Variants in CTNNA3 observed in about 807,000 individuals in gnomAD.
The protein encoded by CTNNA3 is catenin alpha-3.
In CTNNA3, 76 loss-of-function variants were observed where a neutral mutation model predicts 95.7. The ratio of observed to expected loss-of-function variants is 0.79; its 90% CI spans 0.66 to 0.96. CTNNA3 has a LOEUF of 0.96. Ranked by LOEUF, CTNNA3 falls within the 40% of genes least tolerant of loss-of-function variation. The pLI is 0.00. For missense variants in CTNNA3, 1,191 were observed against 1,089.8 expected, an observed-to-expected ratio of 1.09 and a Z score of -1.31; for synonymous variants, 431 against 374.4, an observed-to-expected ratio of 1.15 and a Z score of -1.74.
intron 7 of CTNNA3, among the ~76,000 whole-genome samples, chr10:67,089,717 ATG>A (rs71006125): frequency 0.042 from 6,087 of 144,618 alleles, 179 homozygotes; most frequent in East Asian, 0.095. Flanking sequence ...GTATATACAT[ATG>A]TGTGTGTGTG....
chr10:66,564,852 T>C lies in CTNNA3; in HGVS notation c.1375-44079A>G, dbSNP rs539324651. On this transcript the variant is annotated intron_variant, in intron 10 of 17. Transcript: ENST00000433211. ...ATTAGTGGGGGAAGGGTTATTTGTATTTTATTTTTTCAAGTGAAAGAAATG... is the reference window on the plus strand; with the variant it reads ...ATTAGTGGGGGAAGGGTTATTTGTACTTTATTTTTTCAAGTGAAAGAAATG... 3.5e-4 allele frequency among the ~76,000 whole-genome samples: 53 copies of C among 152,288 alleles called. 1 individual carries two copies. The highest frequency in any genetic ancestry group is 1.1e-3 in the African/African-American group (45 of 41,572).
intron 11 of CTNNA3, among the ~76,000 whole-genome samples, chr10:66,488,402 G>T (rs1045176181): frequency 6.6e-6 from 1 of 152,056 alleles, no homozygotes; most frequent in Non-Finnish European, 1.5e-5. Context: ...ACCAGTGAGA[G>T]CCCACTTCTA....
intron 15 of CTNNA3, among the ~76,000 whole-genome samples, chr10:66,021,851 G>GTTTTTTTTTTTTTTT (rs1564583857): frequency 6.2e-4 from 26 of 41,648 alleles, no homozygotes; most frequent in East Asian, 7.1e-3. Context: ...CAGGATCTTG[G>GTTTTTTTTTTTTTTT]CTTTTTTTTT....
intron 5 of CTNNA3, among the ~76,000 whole-genome samples, chr10:67,476,196 G>A (rs1012639014): frequency 2.6e-5 from 4 of 151,962 alleles, no homozygotes; most frequent in African/African-American, 4.8e-5. Flanking sequence ...AGCCTGAGTC[G>A]TCCCCACCCA....
At chr10:66,190,771 C>A (rs2086624872) in intron 13 of CTNNA3, among the ~76,000 whole-genome samples, 1 of 152,000 alleles carries the variant, frequency 6.6e-6, no homozygotes, top group Non-Finnish European at 1.5e-5. Context: ...GTAACTGGCC[C>A]ATCATTGTCT....
chr10:66,646,471 G>A (rs1043678836), intron 9 of CTNNA3, among the ~76,000 whole-genome samples: 5 of 152,116 alleles, frequency 3.3e-5, no homozygotes, highest in Non-Finnish European at 5.9e-5. Flanking sequence ...GCAAGTGGAA[G>A]GGGTAGGGAG....
At chr10:67,147,059 C>T (rs962974511) in intron 7 of CTNNA3, among the ~76,000 whole-genome samples, 2 of 152,162 alleles carry the variant, frequency 1.3e-5, no homozygotes, top group Admixed American at 6.5e-5. Flanking sequence ...TGCCAAAGGA[C>T]ACTTTTCTCA....
intron 7 of CTNNA3, among the ~76,000 whole-genome samples, chr10:67,111,743 T>C (rs1202737891): frequency 1.3e-5 from 2 of 151,992 alleles, no homozygotes; most frequent in Non-Finnish European, 2.9e-5. Context: ...TCCAGAGTCA[T>C]GGTATCAACA....
chr10:66,721,167 A>T (rs1247180887), intron 9 of CTNNA3, among the ~76,000 whole-genome samples: 1 of 152,102 alleles, frequency 6.6e-6, no homozygotes, highest in African/African-American at 2.4e-5. Flanking sequence ...AGGCTATGGG[A>T]TTTCCTCACG....
intron 7 of CTNNA3, among the ~76,000 whole-genome samples, chr10:67,000,093 T>C (rs1207065127): frequency 6.6e-6 from 1 of 152,204 alleles, no homozygotes; most frequent in African/African-American, 2.4e-5. Context: ...TTTCTCCATA[T>C]TTCTAACAAC....
intron 1 of CTNNA3, among the ~76,000 whole-genome samples, chr10:67,673,282 G>A: frequency 2.7e-5 from 4 of 146,888 alleles, no homozygotes; most frequent in African/African-American, 2.5e-5. Context: ...GGGTTTTCTA[G>A]ATATACAATC....
At chr10:66,534,473 T>TATAC (rs1355637358) in intron 10 of CTNNA3, among the ~76,000 whole-genome samples, 15 of 564 alleles carry the variant, frequency 0.027, no homozygotes, top group Non-Finnish European at 0.077. Flanking sequence ...AAAAATCATA[T>TATAC]ATATATATAT....
chr10:67,239,344 A>C (rs1185664740), intron 5 of CTNNA3, among the ~76,000 whole-genome samples: 1 of 142,994 alleles, frequency 7.0e-6, no homozygotes, highest in African/African-American at 2.6e-5. Flanking sequence ...ATGAAAAAGA[A>C]AAAAAGACAG....
chr10:66,189,813 T>A (rs2086574822), intron 13 of CTNNA3, among the ~76,000 whole-genome samples: 1 of 151,908 alleles, frequency 6.6e-6, no homozygotes, highest in African/African-American at 2.4e-5. Flanking sequence ...ATTCTTTCCT[T>A]TTCAGCCCAC....
At chr10:67,649,453 C>G (rs1003609435) in intron 1 of CTNNA3, among the ~76,000 whole-genome samples, 3 of 152,094 alleles carry the variant, frequency 2.0e-5, no homozygotes, top group Admixed American at 6.5e-5. Flanking sequence ...AAAAGACAAC[C>G]TAATTTAGCC....
intron 15 of CTNNA3, among the ~76,000 whole-genome samples, chr10:66,065,905 C>A (rs778571605): frequency 6.6e-6 from 1 of 151,362 alleles, no homozygotes; most frequent in African/African-American, 2.4e-5. Context: ...CTCTTGTTGC[C>A]CAGGCTGATA....
intron 11 of CTNNA3, among the ~76,000 whole-genome samples, chr10:66,482,202 A>G (rs1376818736): frequency 6.6e-6 from 1 of 152,190 alleles, no homozygotes; most frequent in Non-Finnish European, 1.5e-5. Context: ...AAACCAACAC[A>G]GTTGAGCATA....
intron 9 of CTNNA3, among the ~76,000 whole-genome samples, chr10:66,642,307 A>C (rs933244953): frequency 6.4e-5 from 9 of 141,718 alleles, no homozygotes; most frequent in Non-Finnish European, 1.1e-4. Context: ...CACACACACA[A>C]AACCTGATAT....
chr10:66,741,846 G>C (rs1337960798), intron 9 of CTNNA3, among the ~76,000 whole-genome samples: 1 of 152,148 alleles, frequency 6.6e-6, no homozygotes, highest in African/African-American at 2.4e-5. Flanking sequence ...CAATACCCTT[G>C]TGATTTCCTA....
Sources: gnomAD v4.1 joint callset for allele counts (sites outside exome capture counted in the v4.1 genomes callset) on GRCh38, gnomAD v4.1.1 for gene constraint, MANE v1.5 for transcripts, NCBI Gene and HGNC (gene_info 2026-07-23, HGNC 2026-07-21) for gene names.